The following ATP10D variants were observed in gnomAD, a reference collection of about 807,000 sequenced individuals.
The protein encoded by ATP10D is ATPase phospholipid transporting 10D (putative).
Under a neutral mutation model 144.8 loss-of-function variants are expected in ATP10D, and 89 were observed. The observed-to-expected ratio is 0.61, with a 90% CI of 0.52 to 0.73. ATP10D has a LOEUF of 0.73. Among genes scored for constraint, ATP10D ranks in the 30% least tolerant of loss-of-function variants. The pLI is 0.00. For synonymous variants in ATP10D, 571 were observed against 615.1 expected, an observed-to-expected ratio of 0.93 and a Z score of 1.06; for missense variants, 1,603 against 1,714.8, an observed-to-expected ratio of 0.93 and a Z score of 1.15.
intron 20 of ATP10D, 25 bp downstream of exon 20, chr4:47,580,503 TTTG>T: frequency 6.3e-7 from 1 of 1,582,436 alleles, no homozygotes; most frequent in Non-Finnish European, 8.7e-7. Flanking sequence ...ACTCAGTATA[TTTG>T]TTATTAATGA....
At chr4:47,542,828 A>G (rs1718223072) in intron 9 of ATP10D, among the ~76,000 whole-genome samples, 1 of 152,108 alleles carries the variant, frequency 6.6e-6, no homozygotes, top group South Asian at 2.1e-4. Context: ...GAGTCACTTC[A>G]TATCTTCTTG....
At chr4:47,574,866 T>C (rs1720144080) in intron 18 of ATP10D, among the ~76,000 whole-genome samples, 1 of 152,196 alleles carries the variant, frequency 6.6e-6, no homozygotes, top group Non-Finnish European at 1.5e-5. Context: ...AGTGGCATGA[T>C]ATCAGCTCAC....
intron 1 of ATP10D, chr4:47,491,250 G>T: frequency 1.2e-6 from 1 of 802,402 alleles, no homozygotes; most frequent in Non-Finnish European, 2.2e-6. Flanking sequence ...AATGCCAACA[G>T]CACGCTGGGG....
At chr4:47,547,263 C>T (rs1249204285) in intron 10 of ATP10D, 1 of 181,524 alleles carries the variant, frequency 5.5e-6, no homozygotes, top group Non-Finnish European at 1.2e-5. Context: ...CCATGTGGTA[C>T]ATTGAAGGCC....
intron 9 of ATP10D, among the ~76,000 whole-genome samples, chr4:47,538,345 T>C (rs1261865766): frequency 1.3e-5 from 2 of 152,222 alleles, no homozygotes; most frequent in East Asian, 1.9e-4. Context: ...AGATTGTTTG[T>C]GGCCAGCGCT....
At chr4:47,540,218 C>A (rs920321383) in intron 9 of ATP10D, among the ~76,000 whole-genome samples, 1 of 152,084 alleles carries the variant, frequency 6.6e-6, no homozygotes, top group African/African-American at 2.4e-5. Context: ...AATGGCTAGT[C>A]CTTTAGGGTT....
intron 11 of ATP10D, 63 bp from the exon 12 acceptor site, chr4:47,557,601 C>T: frequency 7.0e-7 from 1 of 1,433,100 alleles, no homozygotes; most frequent in South Asian, 1.7e-5. Flanking sequence ...TTCCAGTTTG[C>T]CTTCAAAGTT....
At chr4:47,492,629 T>C (rs1366601265) in intron 1 of ATP10D, among the ~76,000 whole-genome samples, 1 of 152,188 alleles carries the variant, frequency 6.6e-6, no homozygotes, top group East Asian at 1.9e-4. Context: ...CGTTAAGTCA[T>C]GTGCTGAAGT....
intron 9 of ATP10D, among the ~76,000 whole-genome samples, chr4:47,542,316 C>T (rs993583668): frequency 1.1e-4 from 16 of 151,982 alleles, no homozygotes; most frequent in African/African-American, 3.9e-4. Context: ...AGGCTGGTCT[C>T]GAACTCCTGG....
At chr4:47,516,323 G>A (rs34381899) in intron 3 of ATP10D, among the ~76,000 whole-genome samples, 41,152 of 151,890 alleles carry the variant, frequency 0.27, 6,099 homozygotes, top group Admixed American at 0.34. Flanking sequence ...ACAACAGAGA[G>A]CATTCATAGG....
At chr4:47,576,122 G>A (rs1427021291) in intron 18 of ATP10D, among the ~76,000 whole-genome samples, 5 of 151,284 alleles carry the variant, frequency 3.3e-5, no homozygotes, top group Non-Finnish European at 4.4e-5. Flanking sequence ...TAGTAGTGAC[G>A]GGGTTTCACC....
At chr4:47,490,147 A>G (rs1430984329) in intron 1 of ATP10D, among the ~76,000 whole-genome samples, 5 of 152,128 alleles carry the variant, frequency 3.3e-5, no homozygotes. Context: ...TTAAACTTTC[A>G]TTTCCCCTTA....
intron 5 of ATP10D, among the ~76,000 whole-genome samples, chr4:47,529,962 A>T (rs1019941250): frequency 6.6e-6 from 1 of 152,180 alleles, no homozygotes; most frequent in African/African-American, 2.4e-5. Flanking sequence ...TTATTGGTAT[A>T]TAGAAATGCT....
chr4:47,547,873 A>G (rs112220469), intron 10 of ATP10D, among the ~76,000 whole-genome samples: 6 of 152,320 alleles, frequency 3.9e-5, no homozygotes, highest in African/African-American at 9.6e-5. Flanking sequence ...TTTCTGTGGC[A>G]CTAATATAAA....
chr4:47,490,078 A>C (rs542136705), intron 1 of ATP10D, among the ~76,000 whole-genome samples: 4 of 152,204 alleles, frequency 2.6e-5, no homozygotes, highest in Non-Finnish European at 5.9e-5. Context: ...ACCTGTCTCA[A>C]AATGTTGTGA....
chr4:47,554,792 A>T lies in ATP10D; in HGVS notation c.1702A>T (p.Met568Leu). The T allele has an allele frequency of 6.2e-7, 1 of 1,614,112 alleles. No individual in the cohort carries two copies. ...KFSQITPRLF[M>L]PLDETIQNPP... is the part of the protein sequence containing the mutation. ...TAGTCAGATTACACCTCGGCTCTTTATGCCACTAGATGAGACCATCCAAAA... is the reference window on the plus strand; with the variant it reads ...TAGTCAGATTACACCTCGGCTCTTTTTGCCACTAGATGAGACCATCCAAAA... The change falls in exon 11 of 23, where the codon ATG becomes TTG. Residue 568 changes from methionine (M) to leucine (L), a missense_variant. Physicochemically the swap from Met to Leu is conservative, Grantham distance 15. Transcript: ENST00000273859.
intron 1 of ATP10D, among the ~76,000 whole-genome samples, chr4:47,495,841 A>C (rs1342222234): frequency 6.6e-6 from 1 of 151,342 alleles, no homozygotes; most frequent in African/African-American, 2.4e-5. Context: ...GTTTTCAAGC[A>C]ATTCTTCTGC....
chr4:47,486,481 A>G (rs1577595411), intron 1 of ATP10D, among the ~76,000 whole-genome samples: 1 of 152,212 alleles, frequency 6.6e-6, no homozygotes, highest in South Asian at 2.1e-4. Flanking sequence ...ATCCACCAAT[A>G]TTTACTTGTA....
intron 14 of ATP10D, among the ~76,000 whole-genome samples, chr4:47,561,380 A>G (rs1370839804): frequency 2.0e-5 from 3 of 152,250 alleles, no homozygotes; most frequent in East Asian, 3.8e-4. Flanking sequence ...ATCAAGATAA[A>G]TATCAAGAAT....
Sources: gnomAD v4.1 joint callset for allele counts (sites outside exome capture counted in the v4.1 genomes callset) on GRCh38, gnomAD v4.1.1 for gene constraint, MANE v1.5 for transcripts, NCBI Gene and HGNC (gene_info 2026-07-23, HGNC 2026-07-21) for gene names.